Variants in GRM1 observed in about 807,000 individuals in gnomAD.
GRM1 encodes the protein metabotropic glutamate receptor 1.
A neutral mutation model predicts 90.9 loss-of-function variants in GRM1; 33 were observed. The observed-to-expected ratio is 0.36, with a 90% CI of 0.28 to 0.49. GRM1 has a LOEUF of 0.49. GRM1 is among the 20% of genes least tolerant of loss of function. GRM1 has a pLI of 0.99. For missense variants in GRM1, 1,190 were observed against 1,534.3 expected, an observed-to-expected ratio of 0.78 and a Z score of 3.75; for synonymous variants, 700 against 613.2, an observed-to-expected ratio of 1.14 and a Z score of -2.09.
intron 3 of GRM1, among the ~76,000 whole-genome samples, chr6:146,330,608 C>G (rs1249870113): frequency 6.6e-6 from 1 of 152,146 alleles, no homozygotes; most frequent in Admixed American, 6.6e-5. Context: ...CCCTTATCTT[C>G]TCTTAATTCT....
chr6:146,389,988 C>G (rs548739849), intron 6 of GRM1, among the ~76,000 whole-genome samples: 2 of 151,882 alleles, frequency 1.3e-5, no homozygotes, highest in African/African-American at 4.8e-5. Context: ...AATGAGAAAA[C>G]CTATGAGAAC....
In GRM1 at chr6:146,201,168, T is replaced by G. The variant is rs543602812; in HGVS notation, c.950+41571T>G. 1.1e-4 allele frequency among the ~76,000 whole-genome samples: 17 copies of G among 152,360 alleles called. No homozygotes were observed. In the South Asian group the frequency reaches 3.5e-3, roughly 32 times the overall value. On this transcript the variant is annotated intron_variant, in intron 2 of 7. Coordinates refer to ENST00000282753, the MANE Select transcript of GRM1 (RefSeq NM_001278064.2). ...TTTAAAACTCTGGGCTTTATATTTG[T>G]GTTAAAATTTGAGTTGCTGATATAA... is the stretch of plus-strand genomic sequence containing the variant.
chr6:146,078,578 G>C (rs1160253463), intron 1 of GRM1, among the ~76,000 whole-genome samples: 2 of 152,154 alleles, frequency 1.3e-5, no homozygotes, highest in Non-Finnish European at 2.9e-5. Context: ...TGTGGATATA[G>C]AGGTTAAGAA....
intron 2 of GRM1, among the ~76,000 whole-genome samples, chr6:146,189,411 A>G (rs1168612992): frequency 6.6e-6 from 1 of 152,082 alleles, no homozygotes; most frequent in African/African-American, 2.4e-5. Context: ...TCCTATTCTG[A>G]TTCTAAATAT....
At chr6:146,391,902 C>G (rs963320787) in intron 6 of GRM1, among the ~76,000 whole-genome samples, 1 of 152,050 alleles carries the variant, frequency 6.6e-6, no homozygotes, top group African/African-American at 2.4e-5. Context: ...GGTGTCATGA[C>G]AAACTGCTAC....
intron 7 of GRM1, among the ~76,000 whole-genome samples, chr6:146,412,905 A>G (rs1383727415): frequency 6.7e-6 from 1 of 150,170 alleles, no homozygotes; most frequent in East Asian, 1.9e-4. Context: ...CTATATCTAC[A>G]TTATCTGAGT....
chr6:146,434,469 G>A lies in GRM1; in HGVS notation c.3258G>A (p.Gly1086=). The change falls in exon 8 of 8, where the codon GGG becomes GGA. Residue 1086 remains glycine (G), a synonymous_variant. Coordinates refer to ENST00000282753, the MANE Select transcript of GRM1 (RefSeq NM_001278064.2). ...TGCCGCTGCAGCTGAGCACCTTTGG[G>A]GAGGAGCTGGTCTCCCCGCCCGCGG... ...QMLPLQLSTF[G]EELVSPPADD... The A allele has an allele frequency of 6.2e-7, 1 of 1,613,922 alleles. No individual in the cohort carries two copies. Among genetic ancestry groups the A allele is most frequent in the Non-Finnish European group, 8.5e-7 (1 of 1,179,930 alleles).
rs1777071826 is a variant in GRM1, at chr6:146,399,289, C to A, written c.2250C>A (p.Asn750Lys). Reference protein sequence around the residue: ...KEVYLICNTSNLGVVAPLGYN... With the variant: ...KEVYLICNTSKLGVVAPLGYN... ...TCTACCTTATCTGCAATACCAGCAA[C>A]CTGGGTGTGGTGGCCCCTTTGGGCT... Residue 750 changes from asparagine (N) to lysine (K), a missense_variant, in exon 7 of 8, where the codon AAC becomes AAA. Asn to Lys is a moderately conservative substitution (Grantham distance 94). Transcript: ENST00000282753. The surrounding 1 kb of genome is among the most constrained non-coding windows in gnomAD (Gnocchi z 5.4). The A allele has an allele frequency of 6.2e-7, 1 of 1,614,156 alleles. No individual in the cohort carries two copies. The highest frequency in any genetic ancestry group is 2.2e-5 in the East Asian group (1 of 44,878).
intron 2 of GRM1, among the ~76,000 whole-genome samples, chr6:146,221,041 G>A (rs1295676346): frequency 6.6e-6 from 1 of 151,948 alleles, no homozygotes; most frequent in Non-Finnish European, 1.5e-5. Context: ...TAAGAGTCTG[G>A]TTGTGTCGTA....
At chr6:146,248,793 C>G (rs138530809) in intron 2 of GRM1, among the ~76,000 whole-genome samples, 19 of 152,284 alleles carry the variant, frequency 1.2e-4, no homozygotes, top group African/African-American at 4.6e-4. Flanking sequence ...TTCCTAGAGA[C>G]TTGTTGAATG....
At chr6:146,301,758 A>G (rs1199694114) in intron 2 of GRM1, among the ~76,000 whole-genome samples, 1 of 152,162 alleles carries the variant, frequency 6.6e-6, no homozygotes, top group Non-Finnish European at 1.5e-5. Flanking sequence ...ATTGCTCTAG[A>G]TGTAGTTAAG....
chr6:146,288,147 C>A (rs753776600), intron 2 of GRM1, among the ~76,000 whole-genome samples: 2 of 152,016 alleles, frequency 1.3e-5, no homozygotes, highest in African/African-American at 2.4e-5. Context: ...TTGAGCAGAC[C>A]GTTAGTGAAA....
chr6:146,118,445 T>C (rs984802539), intron 1 of GRM1, among the ~76,000 whole-genome samples: 1 of 152,196 alleles, frequency 6.6e-6, no homozygotes, highest in Non-Finnish European at 1.5e-5. Context: ...GGCCTATTTA[T>C]TTTTTATTAT....
intron 3 of GRM1, among the ~76,000 whole-genome samples, chr6:146,350,881 T>G (rs1211620727): frequency 6.6e-6 from 1 of 152,254 alleles, no homozygotes; most frequent in Non-Finnish European, 1.5e-5. Context: ...CTTGCAAAGC[T>G]GGAAAATGGA....
chr6:146,311,856 T>G (rs981584604), intron 3 of GRM1, among the ~76,000 whole-genome samples: 1 of 152,208 alleles, frequency 6.6e-6, no homozygotes, highest in African/African-American at 2.4e-5. Context: ...ATTGATCATA[T>G]GATTTTTCCT....
chr6:146,065,327 T>C, intron 1 of GRM1, among the ~76,000 whole-genome samples: 1 of 152,140 alleles, frequency 6.6e-6, no homozygotes, highest in East Asian at 1.9e-4. Context: ...CAAAACCACA[T>C]TAATAGGTAG....
intron 2 of GRM1, among the ~76,000 whole-genome samples, chr6:146,229,196 C>T (rs572678696): frequency 6.6e-6 from 1 of 151,638 alleles, no homozygotes; most frequent in South Asian, 2.1e-4. Flanking sequence ...GTTGGTCAGG[C>T]TGGTATTGAA....
intron 1 of GRM1, among the ~76,000 whole-genome samples, chr6:146,137,774 T>C (rs1341304658): frequency 6.6e-6 from 1 of 152,220 alleles, no homozygotes; most frequent in Non-Finnish European, 1.5e-5. Flanking sequence ...ACATTAATTC[T>C]TTCAATTCAT....
chr6:146,332,888 A>C (rs576502767), intron 3 of GRM1, among the ~76,000 whole-genome samples: 1 of 152,250 alleles, frequency 6.6e-6, no homozygotes, highest in African/African-American at 2.4e-5. Context: ...TTAGTTCCTG[A>C]TATTCCGGTG....
Sources: allele counts gnomAD v4.1 joint callset (sites outside exome capture counted in the v4.1 genomes callset), GRCh38; gene constraint gnomAD v4.1.1; non-coding constraint Gnocchi (gnomAD v3.1); transcripts MANE v1.5; gene names NCBI Gene and HGNC (gene_info 2026-07-23, HGNC 2026-07-21).